The following DCAF6 variants were observed in gnomAD, a reference collection of about 807,000 sequenced individuals.
DCAF6 encodes the protein DDB1- and CUL4-associated factor 6.
Under a neutral mutation model 125.1 loss-of-function variants are expected in DCAF6, and 54 were observed. That is an observed-to-expected ratio of 0.43 (90% CI 0.35 to 0.54). DCAF6 has a LOEUF of 0.54. DCAF6 is among the 20% of genes least tolerant of loss of function. The probability of loss-of-function intolerance (pLI) is 0.01; values close to 1 mark genes in which losing one functional copy is unlikely to be tolerated. For synonymous variants in DCAF6, 371 were observed against 390.4 expected (o/e 0.95, Z 0.58); for missense variants, 934 against 1,161.7 (o/e 0.80, Z 2.85).
At chr1:167,941,385 A>T (rs925274932) in intron 1 of DCAF6, among the ~76,000 whole-genome samples, 17 of 152,196 alleles carry the variant, frequency 1.1e-4, no homozygotes, top group African/African-American at 4.1e-4. Context: ...AGTGCTTAGA[A>T]GGTTTAGAAG....
the DCAF6 span, among the ~76,000 whole-genome samples, chr1:167,893,034 T>A: frequency 6.6e-6 from 1 of 151,872 alleles, no homozygotes; most frequent in Non-Finnish European, 1.5e-5. Context: ...ATATGGTGAG[T>A]GATAAGAGAT....
intron 1 of DCAF6, among the ~76,000 whole-genome samples, chr1:167,942,994 C>T (rs971543416): frequency 6.6e-6 from 1 of 152,146 alleles, no homozygotes; most frequent in Non-Finnish European, 1.5e-5. Context: ...ACAAGCTCCG[C>T]CTCCTGGGTT....
In DCAF6 at chr1:167,975,018, A is replaced by G. The variant is rs1008964119; in HGVS notation, c.438+3A>G. ...GTCATTATGGAACTACTTATGAGGT[A>G]TGGTATTATTATGATTATATGATAT... On this transcript the variant is annotated splice_donor_region_variant and intron_variant, in intron 4 of 21. Coordinates refer to ENST00000367840, the MANE Select transcript of DCAF6 (RefSeq NM_001198956.2). 1 of 1,572,782 alleles carries G rather than the reference A, an allele frequency of 6.4e-7. No homozygotes were observed.
chr1:167,939,719 T>C (rs915985615), intron 1 of DCAF6, among the ~76,000 whole-genome samples: 14 of 152,116 alleles, frequency 9.2e-5, no homozygotes, highest in African/African-American at 1.9e-4. Flanking sequence ...GCCAAGATTG[T>C]GCCACTGCAC....
chr1:168,068,227 T>G (rs765832210), intron 20 of DCAF6, 131 bp from the exon 21 acceptor site: 1 of 509,836 alleles, frequency 2.0e-6, no homozygotes, highest in East Asian at 3.4e-5. Flanking sequence ...GGCAGAAATA[T>G]AGACATCAGA....
intron 4 of DCAF6, among the ~76,000 whole-genome samples, chr1:167,979,242 AAAAG>A (rs1678725564): frequency 1.3e-5 from 2 of 152,200 alleles, no homozygotes; most frequent in South Asian, 4.1e-4. Flanking sequence ...GCACACAAAC[AAAAG>A]AAAGACCATT....
At chr1:167,947,865 G>T (rs1673309721) in intron 1 of DCAF6, among the ~76,000 whole-genome samples, 1 of 152,152 alleles carries the variant, frequency 6.6e-6, no homozygotes. Flanking sequence ...AGAATGTTTT[G>T]TAAATGTCTG....
At chr1:167,901,547 G>A in the DCAF6 span, 1 of 1,061,380 alleles carries the variant, frequency 9.4e-7, no homozygotes, top group Non-Finnish European at 1.5e-6. Context: ...AAAGTTCAGG[G>A]CATCATGGGG....
intron 1 of DCAF6, among the ~76,000 whole-genome samples, chr1:167,939,762 C>CATAAATAAATAAATAA (rs144622238): frequency 0.014 from 2,047 of 151,396 alleles, 17 homozygotes; most frequent in Admixed American, 0.02. Context: ...AACTCTGCGT[C>CATAAATAAATAAATAA]ATAAATAAAT....
At chr1:167,990,213 A>T (rs7539141) in intron 5 of DCAF6, among the ~76,000 whole-genome samples, 20,867 of 151,792 alleles carry the variant, frequency 0.14, 1,899 homozygotes, top group African/African-American at 0.26. Flanking sequence ...AATTTTTTTT[A>T]AAAAATTAGC....
chr1:168,025,310 T>A (rs1686198370), intron 12 of DCAF6, among the ~76,000 whole-genome samples: 1 of 152,144 alleles, frequency 6.6e-6, no homozygotes, highest in Non-Finnish European at 1.5e-5. Context: ...CTGGGTAGGG[T>A]AAATGATAAG....
chr1:168,075,230 T>G (rs934303223), intron 21 of DCAF6, 141 bp from the exon 22 acceptor site: 4 of 674,542 alleles, frequency 5.9e-6, no homozygotes, highest in Non-Finnish European at 9.7e-6. Context: ...TTTTCTTTAC[T>G]CTTTTATTTG....
rs552663712 is a variant in DCAF6, at chr1:167,999,107, T to C, written c.904-3375T>C. Among the ~76,000 whole-genome samples the C allele has an allele frequency of 2.4e-4, 37 of 152,228 alleles. No individual in the cohort carries two copies. In the Middle Eastern group the frequency reaches 0.017, roughly 70 times the overall value. On this transcript the variant is annotated intron_variant, in intron 7 of 21. Transcript: ENST00000367840. ...TTACTCTTTGATCTATGGGATACAA[T>C]GAAAATGTTAATCTCCATGTACATC...
Position 167,937,015 on chromosome 1 carries a change from G to C in DCAF6, c.97+7G>C. 1 of 1,603,388 alleles carries C rather than the reference G, an allele frequency of 6.2e-7. No individual in the cohort carries two copies. Among genetic ancestry groups the C allele is most frequent in the Non-Finnish European group, 8.5e-7 (1 of 1,175,518 alleles). ...CTGCGGAGTCGCTACCTGGGTGAGCGGGGGCCCCGGGGCGGAGGCGCTGAG... is the reference window on the plus strand; with the variant it reads ...CTGCGGAGTCGCTACCTGGGTGAGCCGGGGCCCCGGGGCGGAGGCGCTGAG... On this transcript the variant is annotated splice_region_variant and intron_variant, in intron 1 of 21. Coordinates refer to ENST00000367840, the MANE Select transcript of DCAF6 (RefSeq NM_001198956.2).
At chr1:167,921,628 A>C in the DCAF6 span, among the ~76,000 whole-genome samples, 1 of 152,030 alleles carries the variant, frequency 6.6e-6, no homozygotes, top group Non-Finnish European at 1.5e-5. Flanking sequence ...CTCCCACCAG[A>C]TGAGCTGTAT....
chr1:168,009,379 C>T (rs1458034295), intron 10 of DCAF6, among the ~76,000 whole-genome samples: 7 of 141,578 alleles, frequency 4.9e-5, no homozygotes, highest in African/African-American at 1.7e-4. Flanking sequence ...TCCTTCCTTC[C>T]TTCCTTCCTT....
chr1:168,050,961 T>C (rs1558031890), intron 17 of DCAF6, 28 bp downstream of exon 17: 2 of 1,286,752 alleles, frequency 1.6e-6, no homozygotes, highest in Non-Finnish European at 2.1e-6. Context: ...TTCATAATTT[T>C]TTTTTTATGA....
chr1:168,015,552 G>A (rs1035410386), intron 10 of DCAF6, among the ~76,000 whole-genome samples: 1 of 152,026 alleles, frequency 6.6e-6, no homozygotes, highest in Non-Finnish European at 1.5e-5. Context: ...AATATTCCTA[G>A]AGAAATATAT....
the DCAF6 span, chr1:167,880,493 G>A: frequency 4.3e-5 from 70 of 1,611,676 alleles, no homozygotes; most frequent in Non-Finnish European, 5.6e-5. Context: ...ATACTCACTG[G>A]ATTTTGTGGA....
Sources: allele counts gnomAD v4.1 joint callset (sites outside exome capture counted in the v4.1 genomes callset), GRCh38; gene constraint gnomAD v4.1.1; transcripts MANE v1.5; gene names NCBI Gene and HGNC (gene_info 2026-07-23, HGNC 2026-07-21).